FSD1L: variants seen among roughly 807,000 people sequenced by gnomAD.
FSD1L encodes the protein FSD1-like protein.
In FSD1L, 45 loss-of-function variants were observed where a neutral mutation model predicts 71.6. The ratio of observed to expected loss-of-function variants is 0.63; its 90% confidence interval spans 0.49 to 0.81. FSD1L has a LOEUF of 0.81. Among genes scored for constraint, FSD1L ranks in the 30% least tolerant of loss-of-function variants. The probability of loss-of-function intolerance (pLI) is 0.00; values close to 1 mark genes in which losing one functional copy is unlikely to be tolerated. For missense variants in FSD1L, 561 were observed against 618.1 expected, an observed-to-expected ratio of 0.91 and a Z score of 0.98; for synonymous variants, 197 against 207.2, an observed-to-expected ratio of 0.95 and a Z score of 0.42.
intron 7 of FSD1L, among the ~76,000 whole-genome samples, chr9:105,502,581 C>T (rs1238578425): frequency 6.6e-6 from 1 of 152,084 alleles, no homozygotes; most frequent in Non-Finnish European, 1.5e-5. Flanking sequence ...GTGTATACAT[C>T]TTCATTTTCT....
intron 9 of FSD1L, among the ~76,000 whole-genome samples, chr9:105,509,217 C>A (rs1834254053): frequency 6.6e-6 from 1 of 152,112 alleles, no homozygotes; most frequent in Non-Finnish European, 1.5e-5. Flanking sequence ...ATTATTGATA[C>A]CCATATTGCA....
At chr9:105,535,013 T>C in intron 11 of FSD1L, 54 bp from the exon 12 acceptor site, 2 of 1,536,790 alleles carry the variant, frequency 1.3e-6, no homozygotes, top group Non-Finnish European at 1.8e-6. Flanking sequence ...TAGGTAAAAC[T>C]GTGTGACTCA....
intron 7 of FSD1L, among the ~76,000 whole-genome samples, chr9:105,485,419 C>T (rs1564102191): frequency 6.6e-6 from 1 of 152,006 alleles, no homozygotes. Flanking sequence ...TTGTAATGAC[C>T]TAATCACCTC....
intron 10 of FSD1L, chr9:105,521,814 C>T (rs980556298): frequency 2.0e-5 from 33 of 1,612,510 alleles, no homozygotes; most frequent in East Asian, 4.5e-5. Context: ...ACAAAACATA[C>T]GAGCTGGTAC....
At chr9:105,513,465 G>T in intron 10 of FSD1L, 1 of 566,784 alleles carries the variant, frequency 1.8e-6, no homozygotes. Flanking sequence ...TCAAACTGAA[G>T]ATAAATGCCA....
rs1038756390 is a variant in FSD1L, at chr9:105,512,908, AAAATT to A, written c.1001_1005del (p.Ile334ArgfsTer29). On this transcript the variant is annotated frameshift_variant, in exon 10 of 14. Transcript: ENST00000481272. LOFTEE classifies it high-confidence loss of function. ...TACTGGAGGAAAAGGTCAAGAAAGT[AAAATT>A]AAAGGAAAAGAGAACAAGGGCAGGT... is the stretch of plus-strand genomic sequence containing the variant. 6.5e-7 allele frequency: 1 copy of A among 1,538,748 alleles called. No homozygotes were observed. Among genetic ancestry groups the A allele is most frequent in the African/African-American group, 1.4e-5 (1 of 72,504 alleles).
chr9:105,539,163 A>ATTAT (rs1358159698), intron 12 of FSD1L, 100 bp from the exon 13 acceptor site: 1 of 620,640 alleles, frequency 1.6e-6, no homozygotes, highest in Non-Finnish European at 2.8e-6. Flanking sequence ...AATTAATGCC[A>ATTAT]ACTTATATAT....
chr9:105,548,247 A>G lies in FSD1L; in HGVS notation c.*1764A>G, dbSNP rs939811955. On this transcript the variant is annotated 3_prime_UTR_variant, in exon 14 of 14. Transcript: ENST00000481272. ...CAGAGAGAGTTTGAAAGAAATTTTC[A>G]GATGTTCTGTTCCCTATAGAGGGCC... 7 of 152,124 alleles carry G rather than the reference A, an allele frequency of 4.6e-5. No individual in the cohort carries two copies. The highest frequency in any genetic ancestry group is 1.3e-4 in the Admixed American group (2 of 15,258). 9.4% of individuals were successfully genotyped at this position (152,124 alleles called of 1,614,324 possible).
At chr9:105,520,738 A>G in intron 10 of FSD1L, 1 of 1,613,356 alleles carries the variant, frequency 6.2e-7, no homozygotes, top group Non-Finnish European at 8.5e-7. Flanking sequence ...TCAGCACCAC[A>G]GTCTGAACAT....
At chr9:105,544,195 A>C (rs556580578) in intron 13 of FSD1L, among the ~76,000 whole-genome samples, 1 of 152,184 alleles carries the variant, frequency 6.6e-6, no homozygotes, top group South Asian at 2.1e-4. Flanking sequence ...GATGATGAGC[A>C]TTTTTTCATG....
At chr9:105,533,315 T>C (rs1216039735) in intron 10 of FSD1L, among the ~76,000 whole-genome samples, 2 of 151,302 alleles carry the variant, frequency 1.3e-5, no homozygotes, top group South Asian at 4.2e-4. Context: ...TAATTTGATA[T>C]AAGAGGAAGT....
intron 7 of FSD1L, among the ~76,000 whole-genome samples, chr9:105,494,889 G>A (rs1252681864): frequency 6.6e-6 from 1 of 152,132 alleles, no homozygotes; most frequent in Admixed American, 6.5e-5. Context: ...ACCCGGCCGT[G>A]TGAGGTGTCA....
chr9:105,471,918 A>G lies in FSD1L; in HGVS notation c.354A>G (p.Gln118=). ...KSQELQSQIS[Q]CNNALENSEE... Reference sequence around the variant, plus strand: ...TTTTTCCCTAGAGTCAGATTAGTCAATGTAATAATGCCCTGGAGAACTCTG... The same window carrying G: ...TTTTTCCCTAGAGTCAGATTAGTCAGTGTAATAATGCCCTGGAGAACTCTG... The change falls in exon 5 of 14, where the codon CAA becomes CAG. Residue 118 remains glutamine, a synonymous_variant. Coordinates refer to ENST00000481272, the MANE Select transcript of FSD1L (RefSeq NM_001145313.3). The G allele has an allele frequency of 7.4e-7, 1 of 1,350,866 alleles. No homozygotes were observed. The highest frequency in any genetic ancestry group is 1.6e-5 in the African/African-American group (1 of 64,288). The allele number at this position is 1,350,866 out of a possible 1,614,324, so 83.7% of individuals were successfully genotyped here.
At chr9:105,485,511 C>G (rs972561256) in intron 7 of FSD1L, among the ~76,000 whole-genome samples, 4 of 132,162 alleles carry the variant, frequency 3.0e-5, no homozygotes, top group Admixed American at 1.6e-4. Context: ...AGGAATATGA[C>G]TTAACAACCT....
At chr9:105,500,594 TC>T (rs2131335182) in intron 7 of FSD1L, 1 of 152,314 alleles carries the variant, frequency 6.6e-6, no homozygotes, top group East Asian at 1.9e-4. Context: ...TCAAAATACT[TC>T]CTTTTCTCCT....
chr9:105,472,132 A>T lies in FSD1L; in HGVS notation c.441+127A>T, dbSNP rs998396635. 3 of 1,124,262 alleles carry T rather than the reference A, an allele frequency of 2.7e-6. No individual in the cohort carries two copies. The African/African-American group carries it at 4.9e-5, about 18-fold the overall frequency. 69.6% of individuals were successfully genotyped at this position (1,124,262 alleles called of 1,614,324 possible). On this transcript the variant is annotated intron_variant, in intron 5 of 13. Transcript: ENST00000481272. ...ACTAATAAAGCCTTGGGGTTTCTTG[A>T]TAAGTAAAATGCTGGCTGTTCATTT...
At chr9:105,464,421 A>C in intron 3 of FSD1L, 90 bp downstream of exon 3, 8 of 576,380 alleles carry the variant, frequency 1.4e-5, no homozygotes, top group Non-Finnish European at 2.4e-5. Flanking sequence ...TTGGGTTATA[A>C]ACTAATGGAG....
intron 6 of FSD1L, among the ~76,000 whole-genome samples, chr9:105,481,133 G>A (rs1832146991): frequency 7.2e-6 from 1 of 139,048 alleles, no homozygotes; most frequent in Non-Finnish European, 1.5e-5. Context: ...TTAGGGTTCA[G>A]GCAAACTCTG....
chr9:105,490,610 G>A (rs1441705928), intron 7 of FSD1L, among the ~76,000 whole-genome samples: 2 of 144,738 alleles, frequency 1.4e-5, no homozygotes, highest in Admixed American at 6.9e-5. Context: ...TAATGCCTAG[G>A]TTTTCTTCTA....
Sources: allele counts gnomAD v4.1 joint callset (sites outside exome capture counted in the v4.1 genomes callset), GRCh38; gene constraint gnomAD v4.1.1; transcripts MANE v1.5; gene names NCBI Gene and HGNC (gene_info 2026-07-23, HGNC 2026-07-21).